FGF14: variants seen among roughly 807,000 people sequenced by gnomAD.
The protein encoded by FGF14 is fibroblast growth factor homologous factor 4.
Under a neutral mutation model 25.5 loss-of-function variants are expected in FGF14, and 5 were observed. That is an observed-to-expected ratio of 0.20 (90% CI 0.10 to 0.41). The LOEUF (loss-of-function observed/expected upper bound fraction) is 0.41, where lower values mean the gene tolerates loss of function less well. FGF14 is among the 10% of genes least tolerant of loss of function. The pLI is 1.00. For missense variants in FGF14, 222 were observed against 320.1 expected, an observed-to-expected ratio of 0.69 and a Z score of 2.34; for synonymous variants, 138 against 118.3, an observed-to-expected ratio of 1.17 and a Z score of -1.08.
chr13:101,973,616 G>A (rs1176612009), intron 1 of FGF14, among the ~76,000 whole-genome samples: 1 of 152,182 alleles, frequency 6.6e-6, no homozygotes, highest in Non-Finnish European at 1.5e-5. Flanking sequence ...TTGAGGGCAG[G>A]AAGCATCCAG....
chr13:101,846,638 T>C (rs1457427470), intron 3 of FGF14, among the ~76,000 whole-genome samples: 1 of 152,050 alleles, frequency 6.6e-6, no homozygotes, highest in Non-Finnish European at 1.5e-5. Flanking sequence ...AAAATTCAGA[T>C]TTCTCCCTGA....
chr13:102,180,591 C>T (rs980612182), intron 1 of FGF14, among the ~76,000 whole-genome samples: 4 of 152,196 alleles, frequency 2.6e-5, no homozygotes, highest in Middle Eastern at 3.4e-3. Flanking sequence ...GGATTACAGG[C>T]GTGAGCCACC....
chr13:101,868,246 A>G (rs2044838226), intron 3 of FGF14: 2 of 182,092 alleles, frequency 1.1e-5, no homozygotes, highest in African/African-American at 4.8e-5. Flanking sequence ...TCAGCTTCCA[A>G]TAAATATTAC....
At chr13:102,213,255 A>G (rs770215175) in intron 1 of FGF14, among the ~76,000 whole-genome samples, 2 of 152,230 alleles carry the variant, frequency 1.3e-5, no homozygotes, top group African/African-American at 4.8e-5. Flanking sequence ...ACTTCTTTCC[A>G]CCAAGGAGGA....
At position 102,131,511 on chromosome 13, in the gene FGF14, G is replaced by A. The variant is rs140489036; in HGVS notation, c.209-256215C>T. ...CTGGTCTGCTGTCTCAGCCGTATGC[G>A]CAACTCATTCTCATCTCCATGGTGT... On this transcript the variant is annotated intron_variant, in intron 1 of 4. Coordinates refer to the FGF14 transcript ENST00000376131. Among the ~76,000 whole-genome samples, 310 of 152,140 alleles carry A rather than the reference G, an allele frequency of 2.0e-3. 1 individual carries two copies. Among genetic ancestry groups the A allele is most frequent in the African/African-American group, 7.3e-3 (304 of 41,484 alleles).
At position 101,758,649 on chromosome 13, in the gene FGF14, T is replaced by C. The variant is rs559013542; in HGVS notation, c.409-31839A>G. ...ACCCAGAAATCTAAACCTAATACTT[T>C]CTCTTATTTCTTGACCTAACTTTCT... On this transcript the variant is annotated intron_variant, in intron 3 of 4. Coordinates refer to ENST00000376143, the MANE Select transcript of FGF14 (RefSeq NM_004115.4). Among the ~76,000 whole-genome samples, 29 of 152,276 alleles carry C rather than the reference T, an allele frequency of 1.9e-4. 1 individual carries two copies. In the South Asian group the frequency reaches 4.6e-3, roughly 24 times the overall value.
At chr13:102,402,285 C>T (rs1162728651), upstream of FGF14, 1 of 153,486 alleles carries the variant, frequency 6.5e-6, no homozygotes, top group Non-Finnish European at 1.4e-5. Context: ...TAGGTGCCCC[C>T]TCCCCTTGTC....
At chr13:101,915,620 A>C (rs530055565) in intron 1 of FGF14, among the ~76,000 whole-genome samples, 1 of 506 alleles carries the variant, frequency 2.0e-3, no homozygotes, top group African/African-American at 0.019. Flanking sequence ...TTTCAAAGGC[A>C]GTGAAAGGTC....
chr13:102,300,928 C>T (rs931445821), intron 1 of FGF14, among the ~76,000 whole-genome samples: 1 of 83,576 alleles, frequency 1.2e-5, no homozygotes, highest in Non-Finnish European at 2.5e-5. Flanking sequence ...CAGACACACA[C>T]ACACACACAT....
intron 1 of FGF14, among the ~76,000 whole-genome samples, chr13:102,141,416 A>C (rs992167013): frequency 1.3e-5 from 2 of 152,230 alleles, no homozygotes; most frequent in African/African-American, 2.4e-5. Context: ...GATACTTATC[A>C]GTACAAAAAC....
intron 1 of FGF14, among the ~76,000 whole-genome samples, chr13:102,124,269 G>A (rs1462892541): frequency 1.3e-5 from 2 of 152,122 alleles, no homozygotes; most frequent in Admixed American, 6.6e-5. Flanking sequence ...GGACTGTGCG[G>A]TGTGGATCTG....
At chr13:102,313,287 G>A (rs1199839788) in intron 1 of FGF14, among the ~76,000 whole-genome samples, 1 of 152,198 alleles carries the variant, frequency 6.6e-6, no homozygotes, top group African/African-American at 2.4e-5. Flanking sequence ...AGCAGCCGTG[G>A]AAATAGCTCA....
intron 1 of FGF14, among the ~76,000 whole-genome samples, chr13:101,973,702 C>T (rs930357241): frequency 2.6e-5 from 4 of 152,128 alleles, no homozygotes; most frequent in African/African-American, 7.2e-5. Context: ...ATATTCTAGC[C>T]GTGCTGGCAG....
intron 1 of FGF14, among the ~76,000 whole-genome samples, chr13:102,114,427 G>A (rs904682738): frequency 6.6e-6 from 1 of 152,100 alleles, no homozygotes; most frequent in Non-Finnish European, 1.5e-5. Context: ...TAGTCCCACG[G>A]TTTATTTTTG....
chr13:102,345,539 G>A (rs907527928), intron 1 of FGF14, among the ~76,000 whole-genome samples: 2 of 151,970 alleles, frequency 1.3e-5, no homozygotes, highest in African/African-American at 2.4e-5. Flanking sequence ...CCTTTCTAAA[G>A]TAAAAAGCTG....
At chr13:102,249,907 G>A (rs990030194) in intron 1 of FGF14, among the ~76,000 whole-genome samples, 1 of 152,084 alleles carries the variant, frequency 6.6e-6, no homozygotes, top group African/African-American at 2.4e-5. Context: ...CAATTACCAT[G>A]GGCTGGGAGG....
chr13:102,336,643 G>T (rs1005843824), intron 1 of FGF14, among the ~76,000 whole-genome samples: 3 of 152,164 alleles, frequency 2.0e-5, no homozygotes, highest in African/African-American at 7.2e-5. Context: ...CTATTGGAAG[G>T]AAATGCCATC....
intron 3 of FGF14, among the ~76,000 whole-genome samples, chr13:101,831,087 A>G (rs1259548895): frequency 6.6e-6 from 1 of 152,090 alleles, no homozygotes; most frequent in Non-Finnish European, 1.5e-5. Context: ...TAACAGTAAT[A>G]GGGTACATTT....
chr13:102,362,898 T>C (rs1205895426), intron 1 of FGF14, among the ~76,000 whole-genome samples: 2 of 152,246 alleles, frequency 1.3e-5, no homozygotes, highest in East Asian at 3.9e-4. Context: ...AATCATATCA[T>C]GAAGGGAAAA....
Sources: gnomAD v4.1 joint callset for allele counts (sites outside exome capture counted in the v4.1 genomes callset) on GRCh38, gnomAD v4.1.1 for gene constraint, MANE v1.5 for transcripts, NCBI Gene and HGNC (gene_info 2026-07-23, HGNC 2026-07-21) for gene names.